Variants in CNTNAP4 observed in about 807,000 individuals in gnomAD.
The protein encoded by CNTNAP4 is contactin associated protein family member 4, also known as contactin-associated protein-like 4.
A neutral mutation model predicts 148.4 loss-of-function variants in CNTNAP4; 98 were observed. The observed-to-expected ratio is 0.66, with a 90% CI of 0.56 to 0.78. The LOEUF is 0.78. CNTNAP4 is among the 30% of genes least tolerant of loss of function. The pLI, the probability that CNTNAP4 is intolerant of heterozygous loss-of-function variation, is 0.00. For missense variants in CNTNAP4, 1,935 were observed against 1,565.6 expected, an observed-to-expected ratio of 1.24 and a Z score of -3.98; for synonymous variants, 730 against 565.1, an observed-to-expected ratio of 1.29 and a Z score of -4.14.
chr16:76,528,704 G>A (rs954048564), intron 17 of CNTNAP4, among the ~76,000 whole-genome samples: 1 of 152,196 alleles, frequency 6.6e-6, no homozygotes, highest in African/African-American at 2.4e-5. Context: ...ATCTCAGAGT[G>A]AAACTGTGAG....
At chr16:76,355,662 T>A (rs1337269072) in intron 3 of CNTNAP4, among the ~76,000 whole-genome samples, 151 bp downstream of exon 3, 2 of 152,126 alleles carry the variant, frequency 1.3e-5, no homozygotes, top group South Asian at 2.1e-4. Flanking sequence ...TAAATAATCA[T>A]TTTCCAATAC....
chr16:76,489,947 C>T, intron 13 of CNTNAP4, 64 bp downstream of exon 13: 1 of 1,145,462 alleles, frequency 8.7e-7, no homozygotes, highest in South Asian at 2.4e-5. Flanking sequence ...CAACTAGCTC[C>T]TGAGAATTTT....
At chr16:76,295,145 C>G (rs935728345) in intron 1 of CNTNAP4, among the ~76,000 whole-genome samples, 1 of 152,042 alleles carries the variant, frequency 6.6e-6, no homozygotes, top group African/African-American at 2.4e-5. Context: ...TGGTCACAGG[C>G]AGAACATCAG....
At chr16:76,488,011 T>G (rs1367191463) in intron 12 of CNTNAP4, among the ~76,000 whole-genome samples, 1 of 152,142 alleles carries the variant, frequency 6.6e-6, no homozygotes, top group Non-Finnish European at 1.5e-5. Flanking sequence ...TGCATGCCAT[T>G]GATTTACCGC....
intron 3 of CNTNAP4, among the ~76,000 whole-genome samples, chr16:76,418,539 C>A (rs916270292): frequency 8.6e-5 from 13 of 151,574 alleles, no homozygotes; most frequent in African/African-American, 3.1e-4. Context: ...TGTAGCATTT[C>A]TCTTTGATTC....
chr16:76,338,218 T>G (rs144817390), intron 2 of CNTNAP4, among the ~76,000 whole-genome samples: 104 of 152,274 alleles, frequency 6.8e-4, no homozygotes, highest in African/African-American at 2.4e-3. Context: ...ATAAAAGTAT[T>G]AATTTTGGGA....
intron 19 of CNTNAP4, among the ~76,000 whole-genome samples, chr16:76,538,582 A>G (rs1293072532): frequency 6.6e-6 from 1 of 151,948 alleles, no homozygotes; most frequent in African/African-American, 2.4e-5. Flanking sequence ...GTATAATTTT[A>G]TTTATATAAA....
intron 3 of CNTNAP4, among the ~76,000 whole-genome samples, chr16:76,360,788 G>T (rs1341599690): frequency 6.7e-6 from 1 of 150,074 alleles, no homozygotes; most frequent in Non-Finnish European, 1.5e-5. Flanking sequence ...TGATTAACCT[G>T]CTAATGCCTG....
At chr16:76,447,873 C>T in intron 4 of CNTNAP4, 139 bp from the exon 5 acceptor site, 1 of 620,854 alleles carries the variant, frequency 1.6e-6, no homozygotes, top group Non-Finnish European at 2.9e-6. Context: ...GGATATAACT[C>T]CATCATTAGT....
chr16:76,291,280 T>G (rs1020939253), intron 1 of CNTNAP4, among the ~76,000 whole-genome samples: 8 of 152,168 alleles, frequency 5.3e-5, no homozygotes, highest in African/African-American at 1.9e-4. Context: ...AACAGCTGAG[T>G]GGAGTCATCC....
rs2080325150 is a variant in CNTNAP4, at chr16:76,448,281, T to G, written c.742+66T>G. On this transcript the variant is annotated intron_variant, in intron 5 of 23. Coordinates refer to ENST00000611870, the MANE Select transcript of CNTNAP4 (RefSeq NM_033401.5). Reference sequence around the variant, plus strand: ...AGATATCACCTAAGTCACTTTATGCTTTTATAGCTTATCTTTTAGCAGTCA... The same window carrying G: ...AGATATCACCTAAGTCACTTTATGCGTTTATAGCTTATCTTTTAGCAGTCA... 4 of 1,124,732 alleles carry G rather than the reference T, an allele frequency of 3.6e-6. No individual in the cohort carries two copies. The South Asian group carries it at 4.5e-5, about 13-fold the overall frequency. The allele number at this position is 1,124,732 out of a possible 1,614,324, so 69.7% of individuals were successfully genotyped here. A position where few individuals can be genotyped will look rare whatever the true frequency, so the allele number is the denominator to read the frequency against.
chr16:76,344,000 A>G (rs1011596230), intron 2 of CNTNAP4, among the ~76,000 whole-genome samples: 1 of 152,208 alleles, frequency 6.6e-6, no homozygotes, highest in Non-Finnish European at 1.5e-5. Flanking sequence ...GAAGCAATTC[A>G]TTGTGTAGTA....
At chr16:76,304,738 G>C (rs1406678413) in intron 1 of CNTNAP4, among the ~76,000 whole-genome samples, 2 of 152,128 alleles carry the variant, frequency 1.3e-5, no homozygotes, top group African/African-American at 4.8e-5. Flanking sequence ...CAATCAGTGG[G>C]CAATATTTTG....
chr16:76,369,930 A>T (rs13331184), intron 3 of CNTNAP4, among the ~76,000 whole-genome samples: 7,652 of 152,132 alleles, frequency 0.05, 614 homozygotes, highest in African/African-American at 0.17. Flanking sequence ...GGATTGGATT[A>T]TATCTGCCTA....
chr16:76,289,081 T>A (rs898922745), intron 1 of CNTNAP4, among the ~76,000 whole-genome samples: 13 of 152,010 alleles, frequency 8.6e-5, no homozygotes, highest in South Asian at 2.1e-4. Flanking sequence ...AAAAAAAAAA[T>A]TTATAGCAAA....
rs142913102 is a variant in CNTNAP4 at position 76,353,097 on chromosome 16, TAAAAGTC to T, written c.197-2216_197-2210del. Among the ~76,000 whole-genome samples, 579 of 152,164 alleles carry T rather than the reference TAAAAGTC, an allele frequency of 3.8e-3. 3 individuals carry two copies. The highest frequency in any genetic ancestry group is 0.013 in the African/African-American group (547 of 41,516). ...CTTTAAGAACAAATACAGAGAAAATTAAAAGTCAAAACGCATAAACAAAACTTGTAGC... is the reference window on the plus strand; with the variant it reads ...CTTTAAGAACAAATACAGAGAAAATTAAAACGCATAAACAAAACTTGTAGC... On this transcript the variant is annotated intron_variant, in intron 2 of 23. Coordinates refer to ENST00000611870, the MANE Select transcript of CNTNAP4 (RefSeq NM_033401.5).
intron 11 of CNTNAP4, among the ~76,000 whole-genome samples, chr16:76,477,177 A>C (rs71394261): frequency 6.6e-6 from 1 of 152,056 alleles, no homozygotes; most frequent in Admixed American, 6.6e-5. Context: ...AGCCTGGGAT[A>C]ACAACCAATA....
At position 76,316,424 on chromosome 16, in the gene CNTNAP4, G is replaced by T; in HGVS notation, c.97G>T (p.Asp33Tyr). The change falls in exon 2 of 24, where the codon GAT becomes TAT. Residue 33 changes from aspartate (D) to tyrosine (Y), a missense_variant. By Grantham distance (160) the Asp-to-Tyr change is radical. Transcript: ENST00000611870. The stretch of plus-strand genomic sequence containing the variant: ...GTTCCTCCTGGCAGATGACTGTGAT[G>T]ATCCTCTTGTGTCTGCCTTGCCTCA... ...VEAGNSYDCD[D>Y]PLVSALPQAS... The T allele has an allele frequency of 1.2e-6, 2 of 1,613,224 alleles. No homozygotes were observed.
chr16:76,422,989 G>A (rs1489097021), intron 3 of CNTNAP4, among the ~76,000 whole-genome samples: 2 of 152,052 alleles, frequency 1.3e-5, no homozygotes, highest in African/African-American at 2.4e-5. Context: ...TCCTGTTATG[G>A]AAATGTAATT....
Sources: allele counts gnomAD v4.1 joint callset (sites outside exome capture counted in the v4.1 genomes callset), GRCh38; gene constraint gnomAD v4.1.1; transcripts MANE v1.5; gene names NCBI Gene and HGNC (gene_info 2026-07-23, HGNC 2026-07-21).